Variants in MTA3 observed in about 807,000 individuals in gnomAD.
MTA3 encodes the protein metastasis-associated protein MTA3.
In MTA3, 34 loss-of-function variants were observed where a neutral mutation model predicts 83.5. That is an observed-to-expected ratio of 0.41 (90% confidence interval 0.31 to 0.54). The LOEUF (loss-of-function observed/expected upper bound fraction) is 0.54, where lower values mean the gene tolerates loss of function less well. MTA3 is among the 20% of genes least tolerant of loss of function. The probability of loss-of-function intolerance (pLI) is 0.33; values close to 1 mark genes in which losing one functional copy is unlikely to be tolerated. For synonymous variants in MTA3, 303 were observed against 252.7 expected, an observed-to-expected ratio of 1.20 and a Z score of -1.89; for missense variants, 761 against 726.4, an observed-to-expected ratio of 1.05 and a Z score of -0.55.
chr2:42,500,347 C>T (rs1273283975), intron 2 of MTA3, among the ~76,000 whole-genome samples: 2 of 151,916 alleles, frequency 1.3e-5, no homozygotes, highest in Non-Finnish European at 2.9e-5. Flanking sequence ...TACAGTGAGC[C>T]GAGATCACGC....
At chr2:42,566,910 A>G (rs1484544102), upstream of MTA3, among the ~76,000 whole-genome samples, 1 of 152,214 alleles carries the variant, frequency 6.6e-6, no homozygotes, top group South Asian at 2.1e-4. Context: ...CTGCCAGTTT[A>G]CTGTGTGATT....
At chr2:42,516,545 A>G (rs1020187911) in intron 2 of MTA3, among the ~76,000 whole-genome samples, 1 of 152,184 alleles carries the variant, frequency 6.6e-6, no homozygotes, top group African/African-American at 2.4e-5. Context: ...CAACTGTTAT[A>G]GTTTTATTGT....
chr2:42,737,093 G>C (rs1258831076), intron 16 of MTA3, among the ~76,000 whole-genome samples: 1 of 152,162 alleles, frequency 6.6e-6, no homozygotes, highest in Non-Finnish European at 1.5e-5. Flanking sequence ...CCTGAGACTG[G>C]GGGAAGTGTG....
At position 42,755,938 on chromosome 2, in the gene MTA3, T is replaced by C. The variant is rs985540538; in HGVS notation, c.*2539T>C. 1.0e-6 allele frequency: 1 copy of C among 985,554 alleles called. No individual in the cohort carries two copies. The highest frequency in any genetic ancestry group is 4.7e-5 in the South Asian group (1 of 21,292). 61.1% of individuals were successfully genotyped at this position (985,554 alleles called of 1,614,324 possible). On this transcript the variant is annotated 3_prime_UTR_variant, in exon 17 of 17. Coordinates refer to ENST00000405094, the MANE Select transcript of MTA3 (RefSeq NM_001330442.2). Reference sequence around the variant, plus strand: ...AGGTGCGCAAGAGAGGAGGGCCGACTGGAGGGTGTCGCCGGAAGGTTTCAG... The same window carrying C: ...AGGTGCGCAAGAGAGGAGGGCCGACCGGAGGGTGTCGCCGGAAGGTTTCAG...
intron 16 of MTA3, among the ~76,000 whole-genome samples, chr2:42,727,726 C>A (rs1322603235): frequency 6.6e-6 from 1 of 151,948 alleles, no homozygotes; most frequent in Non-Finnish European, 1.5e-5. Context: ...GTTTTCTCCT[C>A]TATAAATCTG....
At chr2:42,642,746 G>A (rs889778491) in intron 5 of MTA3, among the ~76,000 whole-genome samples, 36 of 150,460 alleles carry the variant, frequency 2.4e-4, no homozygotes, top group Non-Finnish European at 5.3e-4. Flanking sequence ...CTGTGTTCAA[G>A]TGATTCTCCT....
intron 16 of MTA3, among the ~76,000 whole-genome samples, chr2:42,723,823 A>G (rs1161076050): frequency 6.6e-6 from 1 of 152,242 alleles, no homozygotes; most frequent in East Asian, 1.9e-4. Flanking sequence ...ATGTGACAGT[A>G]AATTATTTAT....
chr2:42,686,502 C>T lies in MTA3; in HGVS notation c.891+3913C>T, dbSNP rs537236991. Reference sequence around the variant, plus strand: ...AGGAGTTTAAGACCAGCCTGGGCAACATAGTAGACTCTGCCTCTTAAAAAA... The same window carrying T: ...AGGAGTTTAAGACCAGCCTGGGCAATATAGTAGACTCTGCCTCTTAAAAAA... On this transcript the variant is annotated intron_variant, in intron 9 of 16. Transcript: ENST00000405094. Among the ~76,000 whole-genome samples the T allele has an allele frequency of 2.9e-4, 41 of 143,792 alleles. 3 individuals are homozygous for T. In the South Asian group the frequency reaches 9.6e-3, roughly 34 times the overall value. 94.3% of individuals were successfully genotyped at this position (143,792 alleles called of 152,430 possible).
chr2:42,604,632 G>T (rs1486553115), intron 3 of MTA3, among the ~76,000 whole-genome samples: 1 of 137,766 alleles, frequency 7.3e-6, no homozygotes, highest in African/African-American at 2.8e-5. Flanking sequence ...TTCTCACAGA[G>T]GGGTATTTGG....
At chr2:42,611,807 C>T (rs903338404) in intron 4 of MTA3, among the ~76,000 whole-genome samples, 1 of 151,924 alleles carries the variant, frequency 6.6e-6, no homozygotes, top group African/African-American at 2.4e-5. Flanking sequence ...AGAGTGAGAC[C>T]CTATGTGAAA....
intron 4 of MTA3, among the ~76,000 whole-genome samples, chr2:42,617,425 T>G (rs1323387607): frequency 6.6e-6 from 1 of 152,196 alleles, no homozygotes; most frequent in Non-Finnish European, 1.5e-5. Context: ...AATGTTTTGA[T>G]ATAAAAAAAG....
At chr2:42,494,880 C>G (rs1246342621) in exon 1 of MTA3, 1 of 152,286 alleles carries the variant, frequency 6.6e-6, no homozygotes, top group East Asian at 1.9e-4. Flanking sequence ...GCAGAGCGAT[C>G]TACCCCGCGC....
chr2:42,544,794 GC>G (rs1299946829), intron 2 of MTA3, among the ~76,000 whole-genome samples: 1 of 152,176 alleles, frequency 6.6e-6, no homozygotes, highest in African/African-American at 2.4e-5. Flanking sequence ...TGAGGAGGAT[GC>G]AAATGGTCAG....
chr2:42,704,292 T>C lies in MTA3; in HGVS notation c.1124T>C (p.Leu375Ser), dbSNP rs768599737. 6 of 1,613,772 alleles carry C rather than the reference T, an allele frequency of 3.7e-6. No homozygotes were observed. Among genetic ancestry groups the C allele is most frequent in the Non-Finnish European group, 4.2e-6 (5 of 1,179,826 alleles). Residue 375 changes from leucine to serine, a missense_variant, in exon 12 of 17, where the codon TTA becomes TCA. Leu to Ser is a moderately radical substitution (Grantham distance 145). Coordinates refer to ENST00000405094, the MANE Select transcript of MTA3 (RefSeq NM_001330442.2). ...GTTFQPQNPLLGRACESCYAT... is the reference protein window; with the variant it reads ...GTTFQPQNPLSGRACESCYAT... ...ACGTTCCAGCCTCAGAATCCTCTCT[T>C]AGGGAGAGCCTGTGAGAGCTGCTAT...
chr2:42,739,224 T>C (rs1168142896), intron 16 of MTA3, among the ~76,000 whole-genome samples: 1 of 152,164 alleles, frequency 6.6e-6, no homozygotes, highest in African/African-American at 2.4e-5. Context: ...TTTCTCTCTT[T>C]TGTACACTGT....
At chr2:42,606,634 G>C (rs1285806265) in intron 3 of MTA3, among the ~76,000 whole-genome samples, 1 of 143,806 alleles carries the variant, frequency 7.0e-6, no homozygotes, top group African/African-American at 2.6e-5. Flanking sequence ...CATCCCAGAC[G>C]ATGGGCGGCC....
chr2:42,555,800 G>A (rs1040120331), intron 2 of MTA3, among the ~76,000 whole-genome samples: 3 of 148,962 alleles, frequency 2.0e-5, no homozygotes, highest in Admixed American at 1.3e-4. Flanking sequence ...GGCCAGGCAC[G>A]GTGGCTCACG....
intron 2 of MTA3, among the ~76,000 whole-genome samples, chr2:42,534,920 G>A (rs901063869): frequency 6.6e-6 from 1 of 151,868 alleles, no homozygotes; most frequent in South Asian, 2.1e-4. Context: ...ACTGCACCTG[G>A]CCTGTTGCAT....
At chr2:42,625,307 C>T (rs937160149) in intron 4 of MTA3, among the ~76,000 whole-genome samples, 2 of 151,610 alleles carry the variant, frequency 1.3e-5, no homozygotes, top group South Asian at 2.1e-4. Flanking sequence ...GTTGGGATTA[C>T]AGGCGTGAGC....
Sources: gnomAD v4.1 joint callset for allele counts (sites outside exome capture counted in the v4.1 genomes callset) on GRCh38, gnomAD v4.1.1 for gene constraint, MANE v1.5 for transcripts, NCBI Gene and HGNC (gene_info 2026-07-23, HGNC 2026-07-21) for gene names.